B3GALT1: variants seen among roughly 807,000 people sequenced by gnomAD.
The protein encoded by B3GALT1 is beta-1,3-galactosyltransferase 1.
Under a neutral mutation model 23.2 loss-of-function variants are expected in B3GALT1, and 10 were observed. That is an observed-to-expected ratio of 0.43 (90% confidence interval 0.27 to 0.73). The LOEUF (loss-of-function observed/expected upper bound fraction) is 0.73. Among genes scored for constraint, B3GALT1 ranks in the 30% least tolerant of loss-of-function variants. B3GALT1 has a pLI of 0.21. For missense variants in B3GALT1, 299 were observed against 405.4 expected, an observed-to-expected ratio of 0.74 and a Z score of 2.25; for synonymous variants, 156 against 141.5, an observed-to-expected ratio of 1.10 and a Z score of -0.73.
intron 2 of B3GALT1, among the ~76,000 whole-genome samples, chr2:167,524,043 T>C (rs1399632772): frequency 1.3e-5 from 2 of 152,188 alleles, no homozygotes; most frequent in African/African-American, 4.8e-5. Context: ...TTTTAAAAAC[T>C]TCTAACATTT....
chr2:167,869,052 G>A lies in B3GALT1; in HGVS notation c.13G>A (p.Val5Ile), dbSNP rs763988418. The change falls in exon 5 of 5, where the codon GTC (valine) becomes ATC (isoleucine). Residue 5 changes from valine to isoleucine, a missense_variant. Around this residue, in one of 3 missense-constraint regions of B3GALT1, gnomAD observed 162 missense variants for 184.1 expected, o/e 0.88. Transcript: ENST00000392690. The surrounding 1 kb of genome is among the most constrained non-coding windows in gnomAD (Gnocchi z 6.4). ...TGTTCTCAAGACAATGGCTTCAAAGGTCTCCTGTTTGTATGTTTTGACAGT... is the reference window on the plus strand; with the variant it reads ...TGTTCTCAAGACAATGGCTTCAAAGATCTCCTGTTTGTATGTTTTGACAGT... MASK[V>I]SCLYVLTVVC... is the part of the protein sequence containing the mutation. The A allele has an allele frequency of 7.5e-6, 12 of 1,607,400 alleles. No homozygotes were observed. The highest frequency in any genetic ancestry group is 1.7e-5 in the Admixed American group (1 of 59,052).
chr2:167,444,347 G>A (rs112862681), intron 1 of B3GALT1, among the ~76,000 whole-genome samples: 2,094 of 152,170 alleles, frequency 0.014, 47 homozygotes, highest in African/African-American at 0.047. Context: ...TTTTGTCTCC[G>A]CCAGGCTTTG....
intron 2 of B3GALT1, among the ~76,000 whole-genome samples, chr2:167,609,358 G>A (rs1204836102): frequency 6.6e-6 from 1 of 152,154 alleles, no homozygotes; most frequent in Non-Finnish European, 1.5e-5. Context: ...AATTGTGTCA[G>A]TTTGGATCCT....
intron 2 of B3GALT1, among the ~76,000 whole-genome samples, chr2:167,612,989 T>C (rs1685095758): frequency 6.6e-6 from 1 of 151,976 alleles, no homozygotes; most frequent in African/African-American, 2.4e-5. Context: ...ATGTAGTGTT[T>C]TGTTCAATGT....
At chr2:167,505,144 G>A (rs1699900920) in intron 2 of B3GALT1, among the ~76,000 whole-genome samples, 1 of 152,122 alleles carries the variant, frequency 6.6e-6, no homozygotes, top group East Asian at 1.9e-4. Flanking sequence ...AGGATGTATT[G>A]GGAAGATTAC....
At chr2:167,320,924 A>G (rs1696801373) in intron 1 of B3GALT1, among the ~76,000 whole-genome samples, 1 of 151,968 alleles carries the variant, frequency 6.6e-6, no homozygotes, top group African/African-American at 2.4e-5. Context: ...CCCTCCCCTC[A>G]AATATCCTAA....
At chr2:167,554,238 G>C (rs756222600) in intron 2 of B3GALT1, among the ~76,000 whole-genome samples, 12 of 152,184 alleles carry the variant, frequency 7.9e-5, no homozygotes, top group Non-Finnish European at 1.3e-4. Context: ...ATAATGTATT[G>C]ATACATTTAT....
chr2:167,666,910 C>G (rs577696500), intron 3 of B3GALT1, among the ~76,000 whole-genome samples: 18 of 152,204 alleles, frequency 1.2e-4, no homozygotes, highest in African/African-American at 3.4e-4. Context: ...ATCCAATTTG[C>G]CAGTCTGTGT....
In B3GALT1 at chr2:167,454,220, C is replaced by T. The variant is rs550216014; in HGVS notation, c.-510-35957C>T. ...AAGTGTGTGTGTGTGTGCGCACGCG[C>T]GCGTGCACGTGTGTGCATGTATGTG... On this transcript the variant is annotated intron_variant, in intron 1 of 4. Coordinates refer to ENST00000392690, the MANE Select transcript of B3GALT1 (RefSeq NM_020981.4). 9.2e-3 allele frequency among the ~76,000 whole-genome samples: 1,260 copies of T among 137,160 alleles called. 22 individuals are homozygous for T. The highest frequency in any genetic ancestry group is 0.034 in the African/African-American group (1,210 of 35,372). 90.0% of individuals were successfully genotyped at this position (137,160 alleles called of 152,430 possible).
In B3GALT1 at chr2:167,818,728, A is replaced by T. The variant is rs1689045244; in HGVS notation, c.-295A>T. Among the ~76,000 whole-genome samples, 1 of 152,168 alleles carries T rather than the reference A, an allele frequency of 6.6e-6. No individual in the cohort carries two copies. Among genetic ancestry groups the T allele is most frequent in the African/African-American group, 2.4e-5 (1 of 41,422 alleles). On this transcript the variant is annotated 5_prime_UTR_variant, in exon 4 of 5. Coordinates refer to ENST00000392690, the MANE Select transcript of B3GALT1 (RefSeq NM_020981.4). ...TTGAATCTCCTCCTCACACAGATGG[A>T]GACCATGCTTGATTTCCTGAACTTG...
At chr2:167,598,258 G>T (rs376981190) in intron 2 of B3GALT1, among the ~76,000 whole-genome samples, 1 of 152,044 alleles carries the variant, frequency 6.6e-6, no homozygotes, top group African/African-American at 2.4e-5. Context: ...TTCTGATTGT[G>T]TGTGTGTGTG....
At chr2:167,778,724 T>C (rs1688202194) in intron 3 of B3GALT1, among the ~76,000 whole-genome samples, 1 of 152,240 alleles carries the variant, frequency 6.6e-6, no homozygotes, top group Non-Finnish European at 1.5e-5. Flanking sequence ...GACCACATGT[T>C]CACAAGGAAA....
Position 167,806,664 on chromosome 2 carries a change from A to G in B3GALT1, c.-351-12008A>G, listed in dbSNP as rs540900166. Reference sequence around the variant, plus strand: ...ACCAGCCTTGCATCCCAGGGATGAAACCCACTTGATCATGGTGGATAAGCT... The same window carrying G: ...ACCAGCCTTGCATCCCAGGGATGAAGCCCACTTGATCATGGTGGATAAGCT... On this transcript the variant is annotated intron_variant, in intron 3 of 4. Transcript: ENST00000392690. 6.6e-5 allele frequency among the ~76,000 whole-genome samples: 10 copies of G among 152,204 alleles called. No individual in the cohort carries two copies. In the East Asian group the frequency reaches 9.7e-4, roughly 15 times the overall value.
At chr2:167,809,985 A>G (rs995286766) in intron 3 of B3GALT1, among the ~76,000 whole-genome samples, 5 of 152,280 alleles carry the variant, frequency 3.3e-5, no homozygotes, top group African/African-American at 1.2e-4. Context: ...CAGCAATGGC[A>G]GGCGCCCCTC....
chr2:167,820,796 T>C (rs1002529713), intron 4 of B3GALT1, among the ~76,000 whole-genome samples: 5 of 152,270 alleles, frequency 3.3e-5, no homozygotes, highest in Admixed American at 6.5e-5. Context: ...ATAGCCATTA[T>C]GGCTGGATTA....
intron 4 of B3GALT1, among the ~76,000 whole-genome samples, chr2:167,829,410 G>A (rs1002566894): frequency 6.6e-6 from 1 of 151,748 alleles, no homozygotes; most frequent in African/African-American, 2.4e-5. Flanking sequence ...TTGAATCTGG[G>A]AGGCGGAGGT....
chr2:167,518,196 T>C (rs538164756), intron 2 of B3GALT1, among the ~76,000 whole-genome samples: 11 of 152,252 alleles, frequency 7.2e-5, no homozygotes, highest in African/African-American at 1.7e-4. Flanking sequence ...AATTGCCCTA[T>C]ACAGGAATCA....
intron 1 of B3GALT1, among the ~76,000 whole-genome samples, chr2:167,351,955 A>ATTTTTTTTTTTTTTTTTTTTTTTTTT (rs71031283): frequency 1.5e-5 from 2 of 134,306 alleles, no homozygotes; most frequent in African/African-American, 6.3e-5. Flanking sequence ...GCTGTTTTTG[A>ATTTTTTTTTTTTTTTTTTTTTTTTTT]TTTTTTTTTT....
chr2:167,380,930 T>C (rs12617137), intron 1 of B3GALT1, among the ~76,000 whole-genome samples: 10,822 of 152,274 alleles, frequency 0.071, 478 homozygotes, highest in East Asian at 0.19. Flanking sequence ...GGATTCCCAT[T>C]TTCCTTCTTG....
Sources: allele counts gnomAD v4.1 joint callset (sites outside exome capture counted in the v4.1 genomes callset), GRCh38; gene constraint gnomAD v4.1.1; regional missense constraint gnomAD v4.1.1; non-coding constraint Gnocchi (gnomAD v3.1); transcripts MANE v1.5; gene names NCBI Gene and HGNC (gene_info 2026-07-23, HGNC 2026-07-21).